The following PCDHGA3 variants were observed in gnomAD, a reference collection of about 807,000 sequenced individuals.
The protein encoded by PCDHGA3 is protocadherin gamma subfamily A, 3.
A neutral mutation model predicts 58.5 loss-of-function variants in PCDHGA3; 40 were observed. The ratio of observed to expected loss-of-function variants is 0.68; its 90% confidence interval spans 0.53 to 0.89. The LOEUF is 0.89. Ranked by LOEUF, PCDHGA3 falls within the 40% of genes least tolerant of loss-of-function variation. PCDHGA3 has a pLI of 0.00. For synonymous variants in PCDHGA3, 530 were observed against 525.7 expected (o/e 1.01, Z -0.11); for missense variants, 1,223 against 1,195.9 (o/e 1.02, Z -0.33).
Position 141,345,674 on chromosome 5 carries a change from G to C in PCDHGA3, c.1641G>C (p.Ser547=). 6.2e-7 allele frequency: 1 copy of C among 1,614,142 alleles called. No individual in the cohort carries two copies. The highest frequency in any genetic ancestry group is 1.1e-5 in the South Asian group (1 of 91,078). ...SGNPPLSSNV[S]LNLFVLDQND... ...ACCCTCCACTCAGCAGCAACGTGTC[G>C]CTGAACCTGTTCGTGCTGGACCAGA... is the stretch of plus-strand genomic sequence containing the variant. Residue 547 remains serine (S), a synonymous_variant, in exon 1 of 4, where the codon TCG becomes TCC. Coordinates refer to ENST00000253812, the MANE Select transcript of PCDHGA3 (RefSeq NM_018916.4).
intron 1 of PCDHGA3, chr5:141,418,374 T>C: frequency 1.2e-6 from 2 of 1,613,968 alleles, no homozygotes; most frequent in Non-Finnish European, 1.7e-6. Flanking sequence ...AAATACCAAC[T>C]AAGTCCTAAC....
In PCDHGA3 at chr5:141,512,494, C is replaced by T. The variant is rs2099884262; in HGVS notation, c.*1321C>T. The T allele has an allele frequency of 6.5e-6, 1 of 152,894 alleles. No individual in the cohort carries two copies. Among genetic ancestry groups the T allele is most frequent in the Admixed American group, 6.5e-5 (1 of 15,282 alleles). The allele number at this position is 152,894 out of a possible 1,614,324, so 9.5% of individuals were successfully genotyped here. Reference sequence around the variant, plus strand: ...CTTCCGTGAAGGCCACTGCCCAGGTCCCCAGTGCGCCCCCTAGTGGCCATA... The same window carrying T: ...CTTCCGTGAAGGCCACTGCCCAGGTTCCCAGTGCGCCCCCTAGTGGCCATA... On this transcript the variant is annotated 3_prime_UTR_variant, in exon 4 of 4. Transcript: ENST00000253812.
At chr5:141,475,987 C>A in intron 1 of PCDHGA3, 2 of 1,101,540 alleles carry the variant, frequency 1.8e-6, no homozygotes, top group Non-Finnish European at 2.6e-6. Flanking sequence ...AGCCGGCGAG[C>A]AAATCAACGG....
At chr5:141,500,667 TC>T (rs1032555959) in intron 2 of PCDHGA3, among the ~76,000 whole-genome samples, 26 of 152,194 alleles carry the variant, frequency 1.7e-4, no homozygotes, top group African/African-American at 6.0e-4. Flanking sequence ...GGCCATACTG[TC>T]CAACAGAATT....
At chr5:141,356,230 G>T in intron 1 of PCDHGA3, 1 of 1,592,426 alleles carries the variant, frequency 6.3e-7, no homozygotes, top group Non-Finnish European at 8.6e-7. Context: ...AAATGACAAC[G>T]CACCAGAAGT....
Position 141,346,583 on chromosome 5 carries a change from T to A in PCDHGA3, c.2424+126T>A, listed in dbSNP as rs80028471. 2.7e-3 allele frequency: 3,690 copies of A among 1,383,602 alleles called. 80 individuals carry two copies. In the East Asian group the frequency reaches 0.061, roughly 23 times the overall value. The allele number at this position is 1,383,602 out of a possible 1,614,324, so 85.7% of individuals were successfully genotyped here. On this transcript the variant is annotated intron_variant, in intron 1 of 3. Coordinates refer to ENST00000253812, the MANE Select transcript of PCDHGA3 (RefSeq NM_018916.4). Reference sequence around the variant, plus strand: ...GTCATTAGTCCTTTGACTAAATATTTGTCCCCCTTTCTTTCTGGGCCTATA... The same window carrying A: ...GTCATTAGTCCTTTGACTAAATATTAGTCCCCCTTTCTTTCTGGGCCTATA...
chr5:141,429,879 A>T (rs2097250861), intron 1 of PCDHGA3, among the ~76,000 whole-genome samples: 1 of 152,210 alleles, frequency 6.6e-6, no homozygotes, highest in African/African-American at 2.4e-5. Context: ...TCTTTTACTA[A>T]GTTTCCTGAA....
At chr5:141,456,404 G>A (rs935040352) in intron 1 of PCDHGA3, among the ~76,000 whole-genome samples, 4 of 152,104 alleles carry the variant, frequency 2.6e-5, no homozygotes, top group Non-Finnish European at 4.4e-5. Flanking sequence ...TTGCTTCTAG[G>A]CGAGAAGAAA....
At chr5:141,397,912 A>G in intron 1 of PCDHGA3, 2 of 686,532 alleles carry the variant, frequency 2.9e-6, no homozygotes, top group Non-Finnish European at 4.8e-6. Flanking sequence ...TTGGCGCTCC[A>G]GATCTCCTCG....
Position 141,493,508 on chromosome 5 carries a change from C to T in PCDHGA3, c.2425-1299C>T, listed in dbSNP as rs2099748607. 1.3e-5 allele frequency among the ~76,000 whole-genome samples: 2 copies of T among 152,284 alleles called. No homozygotes were observed. The highest frequency in any genetic ancestry group is 4.1e-4 in the South Asian group (2 of 4,820). On this transcript the variant is annotated intron_variant, in intron 1 of 3. Transcript: ENST00000253812. The surrounding 1 kb of genome is among the most constrained non-coding windows in gnomAD (Gnocchi z 4.3). Reference sequence around the variant, plus strand: ...TCTTCTGTGGCTCCTCATTTCTGAGCAGTCCCCGCAGCGCAAACTTGGCCA... The same window carrying T: ...TCTTCTGTGGCTCCTCATTTCTGAGTAGTCCCCGCAGCGCAAACTTGGCCA...
rs1182148013 is a variant in PCDHGA3 at position 141,431,510 on chromosome 5, G to A, written c.2425-63297G>A. 2 of 1,613,904 alleles carry A rather than the reference G, an allele frequency of 1.2e-6. No individual in the cohort carries two copies. Among genetic ancestry groups the A allele is most frequent in the Admixed American group, 1.7e-5 (1 of 60,016 alleles). Reference sequence around the variant, plus strand: ...TGCTCAGCCCGAGTACCGCGCGAGCGTTCCGGAGAATCTGGCCTTGGGCAC... The same window carrying A: ...TGCTCAGCCCGAGTACCGCGCGAGCATTCCGGAGAATCTGGCCTTGGGCAC... On this transcript the variant is annotated intron_variant, in intron 1 of 3. Coordinates refer to ENST00000253812, the MANE Select transcript of PCDHGA3 (RefSeq NM_018916.4). The surrounding 1 kb of genome is among the most constrained non-coding windows in gnomAD (Gnocchi z 4.8).
chr5:141,359,411 G>A (rs1467965013), intron 1 of PCDHGA3, among the ~76,000 whole-genome samples: 1 of 151,822 alleles, frequency 6.6e-6, no homozygotes, highest in Non-Finnish European at 1.5e-5. Flanking sequence ...TTTAAAAAAT[G>A]TGTTTTTGTT....
chr5:141,375,058 A>G (rs1346702145), intron 1 of PCDHGA3: 1 of 1,613,948 alleles, frequency 6.2e-7, no homozygotes, highest in Non-Finnish European at 8.5e-7. Flanking sequence ...GGGATGGGCC[A>G]GGTCTTCGAG....
chr5:141,493,021 G>C lies in PCDHGA3; in HGVS notation c.2425-1786G>C, dbSNP rs1261539371. On this transcript the variant is annotated intron_variant, in intron 1 of 3. Transcript: ENST00000253812. This position sits in a 1 kb window ranked among gnomAD's most constrained non-coding sequence, Gnocchi z 4.3. ...AGCTATAGGCTCTGCCAGATGCCAG[G>C]GTGCCCTTATGTGTGAGGAAACTAC... Among the ~76,000 whole-genome samples, 1 of 152,180 alleles carries C rather than the reference G, an allele frequency of 6.6e-6. No individual in the cohort carries two copies. The highest frequency in any genetic ancestry group is 6.5e-5 in the Admixed American group (1 of 15,284).
intron 1 of PCDHGA3, chr5:141,355,410 T>G: frequency 6.2e-7 from 1 of 1,614,014 alleles, no homozygotes; most frequent in Non-Finnish European, 8.5e-7. Flanking sequence ...TCTCCAGAGG[T>G]AGGACGCAGC....
chr5:141,417,875 G>A, intron 1 of PCDHGA3: 1 of 1,556,360 alleles, frequency 6.4e-7, no homozygotes, highest in South Asian at 1.2e-5. Flanking sequence ...AGGGAGCTGC[G>A]CGCAGAGGCG....
chr5:141,460,556 T>C (rs762545295), intron 1 of PCDHGA3, among the ~76,000 whole-genome samples: 10 of 152,152 alleles, frequency 6.6e-5, no homozygotes, highest in Admixed American at 3.3e-4. Context: ...CAAAAATCAT[T>C]TGGCCATGGA....
At chr5:141,500,348 A>G (rs2099799436) in intron 2 of PCDHGA3, among the ~76,000 whole-genome samples, 1 of 151,950 alleles carries the variant, frequency 6.6e-6, no homozygotes, top group Non-Finnish European at 1.5e-5. Context: ...AGCTGGGACT[A>G]CAGGCGCCCA....
chr5:141,477,564 A>T lies in PCDHGA3; in HGVS notation c.2425-17243A>T. 2 of 1,613,924 alleles carry T rather than the reference A, an allele frequency of 1.2e-6. No individual in the cohort carries two copies. The highest frequency in any genetic ancestry group is 1.7e-6 in the Non-Finnish European group (2 of 1,179,980). On this transcript the variant is annotated intron_variant, in intron 1 of 3. Coordinates refer to ENST00000253812, the MANE Select transcript of PCDHGA3 (RefSeq NM_018916.4). The surrounding 1 kb of genome is among the most constrained non-coding windows in gnomAD (Gnocchi z 4.9). ...CCAATACTAAACCTAAGTGTCTGGG[A>T]CCCCGACGCCCCGCAGAATGCTCGG... is the stretch of plus-strand genomic sequence containing the variant.
Sources: gnomAD v4.1 joint callset for allele counts (sites outside exome capture counted in the v4.1 genomes callset) on GRCh38, gnomAD v4.1.1 for gene constraint, Gnocchi (gnomAD v3.1) non-coding constraint, MANE v1.5 for transcripts, NCBI Gene and HGNC (gene_info 2026-07-23, HGNC 2026-07-21) for gene names.